The following SCN9A variants were observed in gnomAD, a reference collection of about 807,000 sequenced individuals.
SCN9A encodes the protein sodium voltage-gated channel alpha subunit 9, also known as sodium channel protein type 9 subunit alpha.
In SCN9A, 131 loss-of-function variants were observed where a neutral mutation model predicts 187.0. The ratio of observed to expected loss-of-function variants is 0.70; its 90% CI spans 0.61 to 0.81. SCN9A has a LOEUF of 0.81. Among genes scored for constraint, SCN9A ranks in the 30% least tolerant of loss-of-function variants. SCN9A has a pLI of 0.00. For synonymous variants in SCN9A, 809 were observed against 808.6 expected, an observed-to-expected ratio of 1.00 and a Z score of -0.01; for missense variants, 2,252 against 2,396.6, an observed-to-expected ratio of 0.94 and a Z score of 1.26.
In SCN9A at chr2:166,347,864, TATA is replaced by T. The variant is rs1242163539; in HGVS notation, c.-51+27830_-51+27832del. Among the ~76,000 whole-genome samples the T allele has an allele frequency of 2.6e-5, 4 of 152,040 alleles. No homozygotes were observed. In the East Asian group the frequency reaches 7.7e-4, roughly 29 times the overall value. The stretch of plus-strand genomic sequence containing the variant: ...CTGTTACACTCTGATCTAGAACTTG[TATA>T]ATAAGGTCATGAAGAGACAAAGGAG... On this transcript the variant is annotated intron_variant, in intron 1 of 26. Transcript: ENST00000642356.
intron 24 of SCN9A, among the ~76,000 whole-genome samples, chr2:166,208,746 T>C (rs2106354488): frequency 6.6e-6 from 1 of 152,296 alleles, no homozygotes; most frequent in Middle Eastern, 3.4e-3. Context: ...GATAGAGCCA[T>C]AAGCTTTGAT....
At chr2:166,273,095 C>T (rs1452608981) in intron 16 of SCN9A, among the ~76,000 whole-genome samples, 1 of 152,034 alleles carries the variant, frequency 6.6e-6, no homozygotes, top group Non-Finnish European at 1.5e-5. Flanking sequence ...GACTCAGCAG[C>T]AGAGGGTCAG....
chr2:166,236,429 TA>T (rs961524989), intron 20 of SCN9A, among the ~76,000 whole-genome samples: 7 of 150,430 alleles, frequency 4.7e-5, no homozygotes, highest in East Asian at 1.9e-4. Flanking sequence ...AAATTATTAT[TA>T]TTTTTTTTGA....
intron 1 of SCN9A, among the ~76,000 whole-genome samples, chr2:166,351,792 C>A (rs1700039551): frequency 6.6e-6 from 1 of 152,056 alleles, no homozygotes; most frequent in Admixed American, 6.6e-5. Flanking sequence ...AATTCTTACC[C>A]TTCTTGATTA....
chr2:166,349,665 G>T (rs1405567127), intron 1 of SCN9A, among the ~76,000 whole-genome samples: 1 of 152,108 alleles, frequency 6.6e-6, no homozygotes, highest in East Asian at 1.9e-4. Context: ...TAAGGCTAGA[G>T]TTGCCGTGTA....
At chr2:166,261,305 C>G (rs1453513488) in intron 17 of SCN9A, among the ~76,000 whole-genome samples, 1 of 151,828 alleles carries the variant, frequency 6.6e-6, no homozygotes, top group African/African-American at 2.4e-5. Flanking sequence ...GCCAGGCTAC[C>G]TTGTTGTTAG....
chr2:166,292,692 C>G (rs1047816300), intron 9 of SCN9A, among the ~76,000 whole-genome samples: 2 of 151,890 alleles, frequency 1.3e-5, no homozygotes, highest in Non-Finnish European at 2.9e-5. Context: ...GAAATAGCCA[C>G]ATGAATTACC....
rs757069528 is a variant in SCN9A, at chr2:166,204,014, T to C, written c.4715A>G (p.Tyr1572Cys). ...AATATTCCATCCTACAGTGAAGTAG[T>C]AGTGTCTGAGGGAGATCAGTTTTAG... ...CVLKLISLRH[Y>C]YFTVGWNIFD... is the part of the protein sequence containing the mutation. Residue 1572 changes from tyrosine to cysteine, a missense_variant, in exon 26 of 27, where the codon TAC (tyrosine) becomes TGC (cysteine). By Grantham distance (194) the Tyr-to-Cys change is radical (BLOSUM62 -2). Transcript: ENST00000642356. 4 of 1,605,370 alleles carry C rather than the reference T, an allele frequency of 2.5e-6. No individual in the cohort carries two copies. The East Asian group carries it at 8.9e-5, about 36-fold the overall frequency.
In SCN9A at chr2:166,307,032, T is replaced by G; in HGVS notation, c.301A>C (p.Asn101His). Residue 101 changes from asparagine to histidine, a missense_variant, in exon 3 of 27, where the codon AAT (asparagine) becomes CAT (histidine). Coordinates refer to ENST00000642356, the MANE Select transcript of SCN9A (RefSeq NM_001365536.1). ...LNKGKTIFRF[N>H]ATPALYMLSP... is the part of the protein sequence containing the mutation. Reference sequence around the variant, plus strand: ...AGCATATATAAAGCAGGTGTGGCATTGAAACGGAAGATTGTTTTCCCTTTG... The same window carrying G: ...AGCATATATAAAGCAGGTGTGGCATGGAAACGGAAGATTGTTTTCCCTTTG... 4 of 1,612,016 alleles carry G rather than the reference T, an allele frequency of 2.5e-6. No homozygotes were observed. Among genetic ancestry groups the G allele is most frequent in the Non-Finnish European group, 3.4e-6 (4 of 1,178,332 alleles).
intron 7 of SCN9A, 48 bp from the exon 8 acceptor site, chr2:166,294,710 G>A (rs1698224787): frequency 1.5e-6 from 2 of 1,328,148 alleles, no homozygotes; most frequent in East Asian, 2.4e-5. Flanking sequence ...ACTTTAATCT[G>A]TGATTGTGAT....
rs761185337 is a variant in SCN9A at position 166,272,497 on chromosome 2, G to A, written c.3253C>T (p.Leu1085Phe). 7.4e-6 allele frequency: 12 copies of A among 1,613,174 alleles called. No individual in the cohort carries two copies. Among genetic ancestry groups the A allele is most frequent in the Middle Eastern group, 1.7e-4 (1 of 6,056 alleles). Reference sequence around the variant, plus strand: ...GGTGCAATTGGCACTGTCACTGTGAGGCTGGGATTGTGAATAAATGATTGA... The same window carrying A: ...GGTGCAATTGGCACTGTCACTGTGAAGCTGGGATTGTGAATAAATGATTGA... ...DGQSFIHNPS[L>F]TVTVPIAPGE... Residue 1085 changes from leucine (L) to phenylalanine (F), a missense_variant, in exon 17 of 27, where the codon CTC becomes TTC. Leu to Phe is a conservative substitution (Grantham distance 22). Coordinates refer to ENST00000642356, the MANE Select transcript of SCN9A (RefSeq NM_001365536.1).
At position 166,227,651 on chromosome 2, in the gene SCN9A, T is replaced by A; in HGVS notation, c.4260+19A>T. 1 of 1,397,770 alleles carries A rather than the reference T, an allele frequency of 7.2e-7. No individual in the cohort carries two copies. The highest frequency in any genetic ancestry group is 1.2e-5 in the South Asian group (1 of 80,864). The allele number at this position is 1,397,770 out of a possible 1,614,324, so 86.6% of individuals were successfully genotyped here. On this transcript the variant is annotated intron_variant, in intron 23 of 26. Transcript: ENST00000642356. ...AGCTTTTAAAAATAAAGTTTAGTGCTAAGATAATCAATACTTACATTAACA... is the reference window on the plus strand; with the variant it reads ...AGCTTTTAAAAATAAAGTTTAGTGCAAAGATAATCAATACTTACATTAACA...
chr2:166,311,103 G>C (rs1574912525), intron 2 of SCN9A, among the ~76,000 whole-genome samples: 1 of 63,824 alleles, frequency 1.6e-5, no homozygotes, highest in Admixed American at 1.7e-4. Context: ...GTGGTGGGGT[G>C]GGGGGAGGGG....
chr2:166,312,735 A>G (rs1698999391), intron 1 of SCN9A, among the ~76,000 whole-genome samples: 1 of 152,118 alleles, frequency 6.6e-6, no homozygotes, highest in Non-Finnish European at 1.5e-5. Context: ...TGAAAATAAC[A>G]TTAATGCCCT....
At chr2:166,229,060 A>T (rs1694972982) in intron 21 of SCN9A, 88 bp from the exon 22 acceptor site, 1 of 1,109,294 alleles carries the variant, frequency 9.0e-7, no homozygotes, top group African/African-American at 1.6e-5. Context: ...GACATAAATA[A>T]ATTAGAAAAG....
At chr2:166,230,051 A>T (rs1695014959) in intron 21 of SCN9A, among the ~76,000 whole-genome samples, 1 of 152,186 alleles carries the variant, frequency 6.6e-6, no homozygotes, top group Non-Finnish European at 1.5e-5. Context: ...CAGATCATCT[A>T]GGGAGAAGGT....
intron 24 of SCN9A, among the ~76,000 whole-genome samples, chr2:166,216,853 A>C (rs1694351325): frequency 6.6e-6 from 1 of 152,088 alleles, no homozygotes; most frequent in South Asian, 2.1e-4. Context: ...TCAAAATTCT[A>C]ATGTCAGTTT....
At chr2:166,206,343 G>T (rs1411981716) in intron 24 of SCN9A, among the ~76,000 whole-genome samples, 1 of 152,092 alleles carries the variant, frequency 6.6e-6, no homozygotes, top group Non-Finnish European at 1.5e-5. Flanking sequence ...CATAAAAAAG[G>T]ATGAGTTCAT....
intron 17 of SCN9A, among the ~76,000 whole-genome samples, chr2:166,257,767 T>C (rs1362044670): frequency 6.6e-6 from 1 of 151,530 alleles, no homozygotes; most frequent in Admixed American, 6.6e-5. Flanking sequence ...AATTATATGT[T>C]TTATCTATAC....
Sources: gnomAD v4.1 joint callset for allele counts (sites outside exome capture counted in the v4.1 genomes callset) on GRCh38, gnomAD v4.1.1 for gene constraint, MANE v1.5 for transcripts, NCBI Gene and HGNC (gene_info 2026-07-23, HGNC 2026-07-21) for gene names.